Variants in ASIC2 observed in about 807,000 individuals in gnomAD.
ASIC2 encodes the protein acid-sensing ion channel 2.
In ASIC2, 25 loss-of-function variants were observed where a neutral mutation model predicts 57.3. The ratio of observed to expected loss-of-function variants is 0.44; its 90% CI spans 0.32 to 0.61. The LOEUF (loss-of-function observed/expected upper bound fraction) is 0.61, where lower values mean the gene tolerates loss of function less well. Among genes scored for constraint, ASIC2 ranks in the 20% least tolerant of loss-of-function variants. The probability of loss-of-function intolerance (pLI) is 0.06; values close to 1 mark genes in which losing one functional copy is unlikely to be tolerated. For missense variants in ASIC2, 641 were observed against 738.1 expected (o/e 0.87, Z 1.52); for synonymous variants, 319 against 307.5 (o/e 1.04, Z -0.39).
chr17:33,593,362 G>GT (rs1330846258), intron 1 of ASIC2, among the ~76,000 whole-genome samples: 1 of 136,956 alleles, frequency 7.3e-6, no homozygotes, highest in African/African-American at 2.9e-5. Context: ...CCCCTCATTG[G>GT]TAAAAAAAAA....
chr17:33,376,902 C>T (rs1342778989), intron 1 of ASIC2, among the ~76,000 whole-genome samples: 1 of 152,182 alleles, frequency 6.6e-6, no homozygotes, highest in African/African-American at 2.4e-5. Flanking sequence ...TTTCAATTCT[C>T]ACAATCACCC....
intron 1 of ASIC2, among the ~76,000 whole-genome samples, chr17:33,168,941 A>T (rs1372797027): frequency 6.6e-6 from 1 of 152,216 alleles, no homozygotes; most frequent in Non-Finnish European, 1.5e-5. Flanking sequence ...GGTGCTATTC[A>T]TCAAGACAAT....
At chr17:33,728,281 C>T (rs1005457879) in intron 1 of ASIC2, among the ~76,000 whole-genome samples, 7 of 152,104 alleles carry the variant, frequency 4.6e-5, no homozygotes, top group East Asian at 1.9e-4. Context: ...AGCTGGGACA[C>T]GTTCTACAGC....
At chr17:33,096,107 C>T (rs538285609) in intron 2 of ASIC2, among the ~76,000 whole-genome samples, 2 of 152,084 alleles carry the variant, frequency 1.3e-5, no homozygotes, top group Non-Finnish European at 2.9e-5. Flanking sequence ...TACGGGTGTG[C>T]CAGAGAGAGA....
intron 1 of ASIC2, among the ~76,000 whole-genome samples, chr17:33,170,923 A>G (rs1015363558): frequency 6.6e-6 from 1 of 152,226 alleles, no homozygotes; most frequent in Non-Finnish European, 1.5e-5. Context: ...TGAACCCAAC[A>G]TATGGCACCC....
At chr17:33,024,318 C>T (rs2091850704) in intron 5 of ASIC2, among the ~76,000 whole-genome samples, 1 of 152,152 alleles carries the variant, frequency 6.6e-6, no homozygotes, top group Non-Finnish European at 1.5e-5. Flanking sequence ...TCCCTGCTCC[C>T]AGCCTCAGTA....
intron 1 of ASIC2, among the ~76,000 whole-genome samples, chr17:33,417,521 G>C (rs74657912): frequency 2.0e-5 from 3 of 152,100 alleles, no homozygotes; most frequent in African/African-American, 7.2e-5. Flanking sequence ...CAGTGATCTT[G>C]TCCTCTTTGA....
chr17:33,440,957 C>A (rs1253837766), intron 1 of ASIC2, among the ~76,000 whole-genome samples: 1 of 151,942 alleles, frequency 6.6e-6, no homozygotes, highest in Admixed American at 6.6e-5. Context: ...GTTTTCCTTT[C>A]TTTCTTTTTC....
At chr17:33,525,867 C>A (rs996262586) in intron 1 of ASIC2, among the ~76,000 whole-genome samples, 1 of 152,236 alleles carries the variant, frequency 6.6e-6, no homozygotes, top group African/African-American at 2.4e-5. Context: ...CCAGACCCCA[C>A]TAGTCATCAG....
intron 1 of ASIC2, among the ~76,000 whole-genome samples, chr17:33,420,927 A>T (rs1282388369): frequency 6.6e-6 from 1 of 152,232 alleles, no homozygotes; most frequent in Non-Finnish European, 1.5e-5. Context: ...TGAAGAAATT[A>T]ATGTGTTTGC....
At chr17:33,841,525 T>A (rs1913437702) in intron 1 of ASIC2, among the ~76,000 whole-genome samples, 2 of 152,310 alleles carry the variant, frequency 1.3e-5, no homozygotes, top group South Asian at 4.1e-4. Flanking sequence ...ACCACTGGGC[T>A]CTGTTTGATG....
intron 1 of ASIC2, among the ~76,000 whole-genome samples, chr17:33,944,479 T>C (rs551862983): frequency 2.0e-5 from 3 of 151,962 alleles, no homozygotes; most frequent in Non-Finnish European, 4.4e-5. Flanking sequence ...GGCAGACAGA[T>C]AAAAGTAAGA....
At chr17:33,664,920 A>G (rs765525677) in intron 1 of ASIC2, among the ~76,000 whole-genome samples, 29 of 152,222 alleles carry the variant, frequency 1.9e-4, no homozygotes, top group Middle Eastern at 3.2e-3. Context: ...CTAGGCTAAA[A>G]ACCACCCTCA....
intron 3 of ASIC2, among the ~76,000 whole-genome samples, chr17:33,041,057 C>T (rs185094430): frequency 6.6e-6 from 1 of 152,222 alleles, no homozygotes; most frequent in Admixed American, 6.5e-5. Context: ...TGCCTGAGCC[C>T]CTCCCGCTAC....
intron 1 of ASIC2, among the ~76,000 whole-genome samples, chr17:33,429,962 C>T (rs1480897568): frequency 6.6e-6 from 1 of 152,138 alleles, no homozygotes; most frequent in Non-Finnish European, 1.5e-5. Flanking sequence ...GGAATCACTA[C>T]CTTCAAAATA....
chr17:33,868,221 A>C (rs951199920), intron 1 of ASIC2, among the ~76,000 whole-genome samples: 1 of 150,718 alleles, frequency 6.6e-6, no homozygotes, highest in Non-Finnish European at 1.5e-5. Flanking sequence ...GTGTGTGTGA[A>C]GGAAGAGATA....
chr17:33,455,865 G>A (rs1233812853), intron 1 of ASIC2, among the ~76,000 whole-genome samples: 2 of 152,214 alleles, frequency 1.3e-5, no homozygotes, highest in African/African-American at 4.8e-5. Flanking sequence ...GCGAATCAAA[G>A]ACTTTGCACA....
intron 1 of ASIC2, among the ~76,000 whole-genome samples, chr17:33,716,809 C>T (rs965142508): frequency 6.6e-6 from 1 of 152,232 alleles, no homozygotes; most frequent in African/African-American, 2.4e-5. Flanking sequence ...TTCTTCTCCT[C>T]AAGCTATCTG....
At chr17:34,126,515 G>A (rs1025335748) in intron 1 of ASIC2, among the ~76,000 whole-genome samples, 3 of 152,124 alleles carry the variant, frequency 2.0e-5, no homozygotes, top group South Asian at 2.1e-4. Flanking sequence ...AGTCCTGTAC[G>A]GCAACATCAG....
Sources: gnomAD v4.1 joint callset for allele counts (sites outside exome capture counted in the v4.1 genomes callset) on GRCh38, gnomAD v4.1.1 for gene constraint, MANE v1.5 for transcripts, NCBI Gene and HGNC (gene_info 2026-07-23, HGNC 2026-07-21) for gene names.